Variants in IL18BP observed in about 807,000 individuals in gnomAD.
IL18BP encodes interleukin 18 binding protein, also known as interleukin-18-binding protein.
Under a neutral mutation model 19.9 loss-of-function variants are expected in IL18BP, and 23 were observed. That is an observed-to-expected ratio of 1.15 (90% CI 0.83 to 1.64). IL18BP has a LOEUF of 1.64. Ranked by LOEUF, IL18BP falls within the 40% of genes most tolerant of loss-of-function variation. IL18BP has a pLI of 0.00. For synonymous variants in IL18BP, 107 were observed against 101.0 expected, an observed-to-expected ratio of 1.06 and a Z score of -0.35; for missense variants, 239 against 240.7, an observed-to-expected ratio of 0.99 and a Z score of 0.05.
At chr11:72,004,038 C>G (rs1955480924), downstream of IL18BP, 5 of 1,613,712 alleles carry the variant, frequency 3.1e-6, no homozygotes, top group Non-Finnish European at 4.2e-6. Context: ...CCGCAGAAGG[C>G]TGTTCCCTAG....
Position 72,001,909 on chromosome 11 carries a change from TCCTA to T in IL18BP, c.*52_*55del, listed in dbSNP as rs761496028. 2.6e-5 allele frequency: 42 copies of T among 1,612,000 alleles called. No homozygotes were observed. Among genetic ancestry groups the T allele is most frequent in the Admixed American group, 3.4e-5 (2 of 59,668 alleles). Reference sequence around the variant, plus strand: ...AGCACAACCTTGACCAGAGCTTGGGTCCTACCTGTCTACCTGGAGTGAACAGTCC... The same window carrying T: ...AGCACAACCTTGACCAGAGCTTGGGTCCTGTCTACCTGGAGTGAACAGTCC... On this transcript the variant is annotated 3_prime_UTR_variant, in exon 6 of 6. Transcript: ENST00000393703.
chr11:72,000,986 A>G lies in IL18BP; in HGVS notation c.236-215A>G, dbSNP rs905992553. 1.3e-5 allele frequency among the ~76,000 whole-genome samples: 2 copies of G among 152,228 alleles called. 1 individual carries two copies. The highest frequency in any genetic ancestry group is 4.1e-4 in the South Asian group (2 of 4,832). On this transcript the variant is annotated intron_variant, in intron 3 of 5. Coordinates refer to ENST00000393703, the MANE Select transcript of IL18BP (RefSeq NM_001039660.2). The stretch of plus-strand genomic sequence containing the variant: ...CAGAAGAGGATTCATCACGTGAACC[A>G]AGGACCATTCCTCACATTCCCCGTG...
Position 72,000,386 on chromosome 11 carries a change from C to T in IL18BP, c.64C>T (p.His22Tyr). The T allele has an allele frequency of 1.2e-6, 2 of 1,614,020 alleles. No homozygotes were observed. The highest frequency in any genetic ancestry group is 1.7e-6 in the Non-Finnish European group (2 of 1,180,022). The stretch of plus-strand genomic sequence containing the variant: ...TTTGTGGGTCCTGCTCCTGTGTGCC[C>T]ACGTCGTCACTCTCCTGGTCAGAGC... ...SPLWVLLLCA[H>Y]VVTLLVRATP... Residue 22 changes from histidine to tyrosine, a missense_variant, in exon 3 of 6, where the codon CAC becomes TAC. Transcript: ENST00000393703.
At chr11:72,006,151 C>T (rs142589474), downstream of IL18BP, 43 of 1,614,052 alleles carry the variant, frequency 2.7e-5, 1 homozygote, top group South Asian at 9.9e-5. Flanking sequence ...AGAACCCAGG[C>T]GAGCTAGAGA....
Position 72,002,037 on chromosome 11 carries a change from A to G in IL18BP, c.*176A>G. 1 of 844,104 alleles carries G rather than the reference A, an allele frequency of 1.2e-6. No homozygotes were observed. The highest frequency in any genetic ancestry group is 1.8e-6 in the Non-Finnish European group (1 of 540,930). The allele number at this position is 844,104 out of a possible 1,614,324, so 52.3% of individuals were successfully genotyped here. On this transcript the variant is annotated 3_prime_UTR_variant, in exon 6 of 6. Coordinates refer to ENST00000393703, the MANE Select transcript of IL18BP (RefSeq NM_001039660.2). Reference sequence around the variant, plus strand: ...ATTCAAACTCCATTCCCACCTACCTAGAAAATCACAGCCTCCTTATAATGC... The same window carrying G: ...ATTCAAACTCCATTCCCACCTACCTGGAAAATCACAGCCTCCTTATAATGC...
At chr11:72,003,419 A>T, downstream of IL18BP, 1 of 1,088,072 alleles carries the variant, frequency 9.2e-7, no homozygotes, top group Non-Finnish European at 1.4e-6. Context: ...GGGTTTGGCT[A>T]CTGTTGGCCT....
At chr11:72,007,133 G>A (rs1034757128), downstream of IL18BP, 1 of 1,589,524 alleles carries the variant, frequency 6.3e-7, no homozygotes, top group Non-Finnish European at 8.5e-7. Flanking sequence ...GTGCAAAGAT[G>A]CCCTTGAGAG....
chr11:72,007,278 A>T, downstream of IL18BP: 1 of 1,613,288 alleles, frequency 6.2e-7, no homozygotes, highest in East Asian at 2.2e-5. Context: ...TCTCCCAGGG[A>T]GTCCAGGCTG....
At chr11:72,001,600 C>CCA in intron 5 of IL18BP, 48 bp downstream of exon 5, 1 of 1,594,982 alleles carries the variant, frequency 6.3e-7, no homozygotes, top group South Asian at 1.1e-5. Context: ...AGCTCTGCTT[C>CCA]CATATGTGGG....
chr11:72,002,950 A>G (rs1023988448), downstream of IL18BP: 47 of 233,416 alleles, frequency 2.0e-4, no homozygotes, highest in Non-Finnish European at 2.5e-5. Flanking sequence ...CCATCACTCC[A>G]AATCCCACCC....
downstream of IL18BP, chr11:72,003,990 G>A (rs930142260): frequency 6.2e-7 from 1 of 1,613,464 alleles, no homozygotes; most frequent in Non-Finnish European, 8.5e-7. Context: ...GCGAGTGTTG[G>A]GGGAAGCCTT....
chr11:72,004,780 T>A, downstream of IL18BP: 1 of 1,595,880 alleles, frequency 6.3e-7, no homozygotes, highest in Non-Finnish European at 8.5e-7. Context: ...CCAGTTTTCA[T>A]CTCCTCATCT....
chr11:72,001,753 G>T, intron 5 of IL18BP, 31 bp from the exon 6 acceptor site: 2 of 1,614,032 alleles, frequency 1.2e-6, no homozygotes, highest in Non-Finnish European at 1.7e-6. Flanking sequence ...CCTTTCCTTG[G>T]CCTGATCCTT....
chr11:72,003,652 GAGCCC>G (rs1565179594), downstream of IL18BP: 42 of 1,379,576 alleles, frequency 3.0e-5, no homozygotes, highest in Non-Finnish European at 4.3e-5. Context: ...CCTCCCTTGT[GAGCCC>G]CAGGGTTATC....
In IL18BP at chr11:72,001,849, G is replaced by A. The variant is rs777624669; in HGVS notation, c.573G>A (p.Gln191=). Residue 191 remains glutamine, a synonymous_variant, in exon 6 of 6, where the codon CAG becomes CAA. Transcript: ENST00000393703. ...TGCCCTCCAGCCACAGCAGTCCACA[G>A]CAGCAGGGTTAAGACTCAGCACAGG... is the stretch of plus-strand genomic sequence containing the variant. ...EALPSSHSSP[Q]QQG is the part of the protein sequence containing the mutation. 24 of 1,614,000 alleles carry A rather than the reference G, an allele frequency of 1.5e-5. No homozygotes were observed. Among genetic ancestry groups the A allele is most frequent in the Non-Finnish European group, 1.9e-5 (22 of 1,180,014 alleles).
chr11:72,001,227 G>A lies in IL18BP; in HGVS notation c.262G>A (p.Ala88Thr), dbSNP rs767458828. The change falls in exon 4 of 6, where the codon GCC (alanine) becomes ACC (threonine). Residue 88 changes from alanine to threonine, a missense_variant. Coordinates refer to ENST00000393703, the MANE Select transcript of IL18BP (RefSeq NM_001039660.2). ...TGGAACGCTGAGCTTATCCTGTGTG[G>A]CCTGCAGCCGCTTCCCCAACTTCAG... ...LNGTLSLSCV[A>T]CSRFPNFSIL... 3.1e-6 allele frequency: 5 copies of A among 1,614,064 alleles called. No homozygotes were observed. The African/African-American group carries it at 5.3e-5, about 17-fold the overall frequency.
chr11:72,008,028 T>G (rs902134542), downstream of IL18BP: 8 of 451,706 alleles, frequency 1.8e-5, no homozygotes, highest in African/African-American at 1.6e-4. Flanking sequence ...CTGGGGAACC[T>G]TGGGCAAGTG....
At chr11:72,007,296 G>C, downstream of IL18BP, 5 of 1,612,942 alleles carry the variant, frequency 3.1e-6, no homozygotes, top group Non-Finnish European at 3.4e-6. Flanking sequence ...CTGCTCTCCA[G>C]GGGGGCCTGA....
At chr11:72,006,037 G>A (rs1955663700), downstream of IL18BP, 6 of 1,610,044 alleles carry the variant, frequency 3.7e-6, 1 homozygote, top group Middle Eastern at 3.3e-4. Flanking sequence ...CCCCTCACCT[G>A]GAGGGGCCCC....
Sources: allele counts gnomAD v4.1 joint callset (sites outside exome capture counted in the v4.1 genomes callset), GRCh38; gene constraint gnomAD v4.1.1; transcripts MANE v1.5; gene names NCBI Gene and HGNC (gene_info 2026-07-23, HGNC 2026-07-21).